TXNL1: variants seen among roughly 807,000 people sequenced by gnomAD.
TXNL1 encodes the protein thioredoxin-like protein 1.
Under a neutral mutation model 35.5 loss-of-function variants are expected in TXNL1, and 14 were observed. The ratio of observed to expected loss-of-function variants is 0.39; its 90% CI spans 0.26 to 0.62. TXNL1 has a LOEUF of 0.62. Ranked by LOEUF, TXNL1 falls within the 20% of genes least tolerant of loss-of-function variation. The probability of loss-of-function intolerance (pLI) is 0.47; values close to 1 mark genes in which losing one functional copy is unlikely to be tolerated. For synonymous variants in TXNL1, 110 were observed against 115.5 expected (o/e 0.95, Z 0.31); for missense variants, 263 against 349.7 (o/e 0.75, Z 1.98).
At chr18:56,610,070 C>T (rs1476498621) in intron 7 of TXNL1, 2 of 152,186 alleles carry the variant, frequency 1.3e-5, no homozygotes, top group East Asian at 3.8e-4. Flanking sequence ...AGATGTTCTC[C>T]ATCTTCAATT....
chr18:56,613,497 T>TA (rs1294902428), intron 6 of TXNL1, among the ~76,000 whole-genome samples: 1 of 152,088 alleles, frequency 6.6e-6, no homozygotes, highest in East Asian at 1.9e-4. Context: ...ATACATCACT[T>TA]AAAATCACCT....
At chr18:56,625,704 T>C (rs2024266312) in intron 2 of TXNL1, among the ~76,000 whole-genome samples, 1 of 152,222 alleles carries the variant, frequency 6.6e-6, no homozygotes, top group African/African-American at 2.4e-5. Context: ...TCTAAAATTT[T>C]TTCCACACTC....
intron 1 of TXNL1, among the ~76,000 whole-genome samples, chr18:56,636,947 C>G (rs483405): frequency 7.2e-5 from 11 of 152,002 alleles, no homozygotes; most frequent in African/African-American, 2.7e-4. Flanking sequence ...ACAGACATCA[C>G]AAAATTGCTA....
intron 1 of TXNL1, among the ~76,000 whole-genome samples, chr18:56,630,638 C>T (rs566863277): frequency 2.6e-5 from 4 of 152,256 alleles, no homozygotes; most frequent in South Asian, 2.1e-4. Context: ...CAATTATTTA[C>T]GAGCTAACTG....
chr18:56,622,155 A>G (rs1300673509), intron 3 of TXNL1, among the ~76,000 whole-genome samples: 2 of 152,156 alleles, frequency 1.3e-5, no homozygotes, highest in African/African-American at 4.8e-5. Flanking sequence ...CAGTTGCACT[A>G]GTCATATAAC....
chr18:56,601,648 T>C lies in TXNL1; in HGVS notation c.*1379A>G, dbSNP rs1386130733. 1 of 152,174 alleles carries C rather than the reference T, an allele frequency of 6.6e-6. No homozygotes were observed. The highest frequency in any genetic ancestry group is 2.4e-5 in the African/African-American group (1 of 41,462). The allele number at this position is 152,174 out of a possible 1,614,324, so 9.4% of individuals were successfully genotyped here. ...GACTCTTTCAACACTAAAACTTCTG[T>C]AGAATTTTTTCATAAACAAGTATAA... On this transcript the variant is annotated 3_prime_UTR_variant, in exon 8 of 8. Coordinates refer to ENST00000217515, the MANE Select transcript of TXNL1 (RefSeq NM_004786.3).
intron 5 of TXNL1, 74 bp from the exon 6 acceptor site, chr18:56,614,670 C>T (rs2024054857): frequency 8.5e-7 from 1 of 1,180,212 alleles, no homozygotes; most frequent in Non-Finnish European, 1.2e-6. Context: ...ACTACACTCA[C>T]ACTATACACA....
chr18:56,616,424 C>G, intron 4 of TXNL1, 110 bp from the exon 5 acceptor site: 1 of 981,242 alleles, frequency 1.0e-6, no homozygotes, highest in Non-Finnish European at 1.5e-6. Context: ...CAACCTAATT[C>G]ATCGAACAAA....
intron 4 of TXNL1, 102 bp from the exon 5 acceptor site, chr18:56,616,416 A>C: frequency 9.3e-7 from 1 of 1,071,866 alleles, no homozygotes; most frequent in South Asian, 1.5e-5. Context: ...AAAAAAACCA[A>C]CCTAATTCAT....
chr18:56,602,934 G>T lies in TXNL1; in HGVS notation c.*93C>A. The T allele has an allele frequency of 1.5e-6, 2 of 1,305,888 alleles. No homozygotes were observed. Among genetic ancestry groups the T allele is most frequent in the South Asian group, 1.2e-5 (1 of 83,560 alleles). 80.9% of individuals were successfully genotyped at this position (1,305,888 alleles called of 1,614,324 possible). On this transcript the variant is annotated 3_prime_UTR_variant, in exon 8 of 8. Transcript: ENST00000217515. Reference sequence around the variant, plus strand: ...GCAATGATTTATTGGTAATGGCAATGAATGAAACATTGACAGTCTCTGGCG... The same window carrying T: ...GCAATGATTTATTGGTAATGGCAATTAATGAAACATTGACAGTCTCTGGCG...
rs1249057265 is a variant in TXNL1 at position 56,638,500 on chromosome 18, G to A, written c.-60C>T. 1.3e-6 allele frequency: 2 copies of A among 1,527,526 alleles called. No individual in the cohort carries two copies. The highest frequency in any genetic ancestry group is 1.8e-6 in the Non-Finnish European group (2 of 1,120,776). 94.6% of individuals were successfully genotyped at this position (1,527,526 alleles called of 1,614,324 possible). ...CACTGGCTTTGAAACTGAAGGAGAA[G>A]ACGATCTGGGAGAGGAAGGAGAGAT... On this transcript the variant is annotated 5_prime_UTR_variant, in exon 1 of 8. Transcript: ENST00000217515.
intron 3 of TXNL1, among the ~76,000 whole-genome samples, chr18:56,622,202 A>G (rs941601741): frequency 6.6e-6 from 1 of 152,206 alleles, no homozygotes; most frequent in East Asian, 1.9e-4. Context: ...AGTGGCTACC[A>G]TATTACTAGA....
chr18:56,612,180 T>C (rs2024007735), intron 6 of TXNL1, among the ~76,000 whole-genome samples: 1 of 151,828 alleles, frequency 6.6e-6, no homozygotes, highest in Non-Finnish European at 1.5e-5. Context: ...AAATTCTTTA[T>C]AGAGAATGTT....
chr18:56,610,921 G>A (rs2023979481), intron 7 of TXNL1, 72 bp downstream of exon 7: 3 of 990,462 alleles, frequency 3.0e-6, no homozygotes, highest in Admixed American at 2.9e-5. Context: ...AAGTGTGACA[G>A]TTGAGATACA....
intron 7 of TXNL1, chr18:56,604,541 T>G (rs2023858049): frequency 6.6e-6 from 1 of 152,216 alleles, no homozygotes; most frequent in South Asian, 2.1e-4. Context: ...AAAGCTCTTT[T>G]ATTCATTCTT....
At chr18:56,614,865 G>GAC (rs2024058538) in intron 5 of TXNL1, among the ~76,000 whole-genome samples, 2 of 152,134 alleles carry the variant, frequency 1.3e-5, no homozygotes, top group South Asian at 4.1e-4. Context: ...CACACACAGA[G>GAC]GGAGTCCCTG....
In TXNL1 at chr18:56,598,536, G is replaced by T. The variant is rs1343292335; in HGVS notation, c.*4491C>A. Reference sequence around the variant, plus strand: ...ATACAGCACAGCACACTGGAGAAATGAGGGGCATGGGGAGGCTAGAGGAGG... The same window carrying T: ...ATACAGCACAGCACACTGGAGAAATTAGGGGCATGGGGAGGCTAGAGGAGG... On this transcript the variant is annotated 3_prime_UTR_variant, in exon 8 of 8. Coordinates refer to ENST00000217515, the MANE Select transcript of TXNL1 (RefSeq NM_004786.3). 2 of 152,444 alleles carry T rather than the reference G, an allele frequency of 1.3e-5. 1 individual carries two copies. Among genetic ancestry groups the T allele is most frequent in the South Asian group, 4.1e-4 (2 of 4,826 alleles). 9.4% of individuals were successfully genotyped at this position (152,444 alleles called of 1,614,324 possible). A position where few individuals can be genotyped will look rare whatever the true frequency, so the allele number is the denominator to read the frequency against.
intron 1 of TXNL1, among the ~76,000 whole-genome samples, chr18:56,631,082 G>A (rs892265114): frequency 1.5e-4 from 23 of 151,948 alleles, no homozygotes; most frequent in Middle Eastern, 3.2e-3. Context: ...GTCTGCCTAT[G>A]TTGCCCAGGC....
intron 3 of TXNL1, among the ~76,000 whole-genome samples, chr18:56,621,319 C>T (rs1432451026): frequency 2.0e-5 from 3 of 151,864 alleles, no homozygotes; most frequent in Non-Finnish European, 4.4e-5. Context: ...TTCAGCCTCC[C>T]GAGTTGCTGG....
Sources: allele counts gnomAD v4.1 joint callset (sites outside exome capture counted in the v4.1 genomes callset), GRCh38; gene constraint gnomAD v4.1.1; transcripts MANE v1.5; gene names NCBI Gene and HGNC (gene_info 2026-07-23, HGNC 2026-07-21).